The following GALNT13 variants were observed in gnomAD, a reference collection of about 807,000 sequenced individuals.
GALNT13 encodes the protein polypeptide N-acetylgalactosaminyltransferase 13, also known as UDP-GalNAc:polypeptide N-acetylgalactosaminyltransferase 13.
A neutral mutation model predicts 64.2 loss-of-function variants in GALNT13; 28 were observed. The ratio of observed to expected loss-of-function variants is 0.44; its 90% CI spans 0.32 to 0.60. GALNT13 has a LOEUF of 0.60. GALNT13 is among the 20% of genes least tolerant of loss of function. The probability of loss-of-function intolerance (pLI) is 0.05; values close to 1 mark genes in which losing one functional copy is unlikely to be tolerated. For missense variants in GALNT13, 577 were observed against 669.8 expected (o/e 0.86, Z 1.53); for synonymous variants, 214 against 224.6 (o/e 0.95, Z 0.42).
the GALNT13 span, among the ~76,000 whole-genome samples, chr2:153,562,042 T>TTC: frequency 0.067 from 7,547 of 111,878 alleles, 265 homozygotes; most frequent in Admixed American, 0.084. Context: ...CTCTCTCTCT[T>TTC]TCTCTCTCTC....
intron 1 of GALNT13, among the ~76,000 whole-genome samples, chr2:153,884,854 T>TAC (rs1409159122): frequency 4.0e-4 from 32 of 80,268 alleles, no homozygotes; most frequent in South Asian, 8.7e-4. Flanking sequence ...TATATATGTA[T>TAC]ATACACACAC....
intron 4 of GALNT13, among the ~76,000 whole-genome samples, chr2:154,164,827 G>T (rs1010971900): frequency 6.6e-6 from 1 of 151,924 alleles, no homozygotes; most frequent in Admixed American, 6.6e-5. Context: ...TCAAAAAATC[G>T]ACCAGGTTTA....
the GALNT13 span, among the ~76,000 whole-genome samples, chr2:153,434,604 T>G: frequency 6.6e-6 from 1 of 152,280 alleles, no homozygotes; most frequent in South Asian, 2.1e-4. Context: ...TTTCATGTGT[T>G]TTTTGGCTGC....
the GALNT13 span, among the ~76,000 whole-genome samples, chr2:153,807,257 A>G: frequency 3.3e-5 from 5 of 152,088 alleles, no homozygotes; most frequent in East Asian, 7.7e-4. Context: ...ATATATATAC[A>G]TGTACATATG....
intron 3 of GALNT13, among the ~76,000 whole-genome samples, chr2:154,064,452 C>T (rs944283318): frequency 2.0e-5 from 3 of 152,124 alleles, no homozygotes; most frequent in African/African-American, 4.8e-5. Context: ...GGCAGCACAG[C>T]TCACAGCTCT....
At position 154,179,944 on chromosome 2, in the gene GALNT13, C is replaced by T. The variant is rs116447166; in HGVS notation, c.311+39439C>T. Among the ~76,000 whole-genome samples, 1,165 of 152,102 alleles carry T rather than the reference C, an allele frequency of 7.7e-3. 20 individuals are homozygous for T. Among genetic ancestry groups the T allele is most frequent in the African/African-American group, 0.026 (1,063 of 41,504 alleles). ...CAGGGAGGCAGATGTTTTGGACACA[C>T]GTTTCTCTATAGCTGACTTAGAGTG... On this transcript the variant is annotated intron_variant, in intron 4 of 12. Transcript: ENST00000392825.
chr2:153,402,251 T>G, the GALNT13 span, among the ~76,000 whole-genome samples: 1 of 151,818 alleles, frequency 6.6e-6, no homozygotes, highest in African/African-American at 2.4e-5. Context: ...TGTTGAATAT[T>G]GGCCCCCACT....
At chr2:154,381,321 C>A (rs1698259030) in intron 9 of GALNT13, among the ~76,000 whole-genome samples, 1 of 151,978 alleles carries the variant, frequency 6.6e-6, no homozygotes, top group East Asian at 1.9e-4. Context: ...ATCTCATTTC[C>A]CCTACCTTTA....
chr2:153,321,896 A>C, the GALNT13 span, among the ~76,000 whole-genome samples: 1 of 152,128 alleles, frequency 6.6e-6, no homozygotes, highest in Non-Finnish European at 1.5e-5. Context: ...AAAAGGTTTC[A>C]TGAGGAAAAA....
chr2:154,163,091 T>C (rs1353258950), intron 4 of GALNT13, among the ~76,000 whole-genome samples: 4 of 150,890 alleles, frequency 2.7e-5, no homozygotes, highest in East Asian at 2.2e-4. Flanking sequence ...ATTAACTCTT[T>C]ATTTAACATT....
the GALNT13 span, among the ~76,000 whole-genome samples, chr2:153,229,495 A>G: frequency 3.3e-5 from 5 of 152,206 alleles, no homozygotes; most frequent in African/African-American, 9.6e-5. Flanking sequence ...TCTGGGGGCA[A>G]TCATCTGCCA....
At chr2:153,582,043 A>C in the GALNT13 span, among the ~76,000 whole-genome samples, 1 of 152,138 alleles carries the variant, frequency 6.6e-6, no homozygotes, top group Non-Finnish European at 1.5e-5. Flanking sequence ...AATTCCTGTA[A>C]GGAGAGGGAA....
At position 154,083,002 on chromosome 2, in the gene GALNT13, A is replaced by G. The variant is rs139747507; in HGVS notation, c.143-57335A>G. ...GTCTTTGCACATGCCTTTGTCCGGA[A>G]TGGTATTACCTAGGTTTTCTTCTAA... is the stretch of plus-strand genomic sequence containing the variant. On this transcript the variant is annotated intron_variant, in intron 3 of 12. Transcript: ENST00000392825. Among the ~76,000 whole-genome samples, 764 of 152,094 alleles carry G rather than the reference A, an allele frequency of 5.0e-3. 5 individuals carry two copies. The highest frequency in any genetic ancestry group is 0.016 in the African/African-American group (675 of 41,526).
the GALNT13 span, among the ~76,000 whole-genome samples, chr2:153,798,294 T>A: frequency 6.6e-6 from 1 of 152,200 alleles, no homozygotes; most frequent in African/African-American, 2.4e-5. Context: ...ATTATTTAGT[T>A]TCCAATTAAA....
intron 4 of GALNT13, among the ~76,000 whole-genome samples, chr2:154,142,372 A>C (rs1242052962): frequency 1.3e-5 from 2 of 151,888 alleles, no homozygotes; most frequent in Non-Finnish European, 2.9e-5. Flanking sequence ...CAATATGGTA[A>C]AACCCCATCT....
At chr2:153,929,411 T>G (rs1690357274) in intron 2 of GALNT13, among the ~76,000 whole-genome samples, 1 of 152,192 alleles carries the variant, frequency 6.6e-6, no homozygotes, top group African/African-American at 2.4e-5. Flanking sequence ...AAATTACATG[T>G]TGTGGAGGTT....
At chr2:153,800,238 A>C in the GALNT13 span, among the ~76,000 whole-genome samples, 2 of 152,100 alleles carry the variant, frequency 1.3e-5, no homozygotes, top group African/African-American at 2.4e-5. Context: ...TGTTTACCCT[A>C]CACTGTACTT....
At chr2:153,886,576 GA>G (rs1558835291) in intron 1 of GALNT13, among the ~76,000 whole-genome samples, 1 of 152,028 alleles carries the variant, frequency 6.6e-6, no homozygotes, top group Non-Finnish European at 1.5e-5. Flanking sequence ...TCATAGGTGG[GA>G]ATTGAACAAT....
the GALNT13 span, among the ~76,000 whole-genome samples, chr2:153,328,941 C>A: frequency 2.0e-5 from 3 of 152,066 alleles, no homozygotes; most frequent in Non-Finnish European, 4.4e-5. Flanking sequence ...TTGGTATAGG[C>A]ACCCGAGGGA....
Sources: allele counts gnomAD v4.1 joint callset (sites outside exome capture counted in the v4.1 genomes callset), GRCh38; gene constraint gnomAD v4.1.1; transcripts MANE v1.5; gene names NCBI Gene and HGNC (gene_info 2026-07-23, HGNC 2026-07-21).